Variants in NXPE3 observed in about 807,000 individuals in gnomAD.
NXPE3 encodes the protein NXPE family member 3.
Under a neutral mutation model 46.1 loss-of-function variants are expected in NXPE3, and 26 were observed. The observed-to-expected ratio is 0.56, with a 90% confidence interval of 0.41 to 0.78. The LOEUF is 0.78. Ranked by LOEUF, NXPE3 falls within the 30% of genes least tolerant of loss-of-function variation. The pLI is 0.00. For missense variants in NXPE3, 620 were observed against 686.0 expected (o/e 0.90, Z 1.07); for synonymous variants, 272 against 257.9 (o/e 1.05, Z -0.52).
intron 6 of NXPE3, among the ~76,000 whole-genome samples, chr3:101,808,459 G>A (rs574675504): frequency 3.7e-4 from 56 of 152,208 alleles, no homozygotes; most frequent in Admixed American, 6.5e-4. Context: ...GAGTGGTGGG[G>A]AAGGAACTGA....
intron 4 of NXPE3, among the ~76,000 whole-genome samples, chr3:101,800,733 A>C (rs1392830571): frequency 1.3e-5 from 2 of 150,574 alleles, no homozygotes; most frequent in African/African-American, 4.9e-5. Flanking sequence ...TGACTCCTTT[A>C]TTATTATGTA....
rs756490946 is a variant in NXPE3 at position 101,821,863 on chromosome 3, A to G, written c.1589A>G (p.His530Arg). The G allele has an allele frequency of 2.5e-6, 4 of 1,614,162 alleles. No homozygotes were observed. Among genetic ancestry groups the G allele is most frequent in the Non-Finnish European group, 3.4e-6 (4 of 1,180,024 alleles). Residue 530 changes from histidine to arginine, a missense_variant, in exon 8 of 8, where the codon CAT becomes CGT. Physicochemically the swap from His to Arg is conservative, Grantham distance 29. Coordinates refer to ENST00000273347, the MANE Select transcript of NXPE3 (RefSeq NM_145037.4). ...LVDAWEMTLA[H>R]YLPHKLHPDE... ...GATGCCTGGGAGATGACCCTGGCCC[A>G]TTATCTACCGCACAAGCTGCATCCA...
At chr3:101,804,138 A>C (rs1941299350) in intron 5 of NXPE3, among the ~76,000 whole-genome samples, 1 of 152,240 alleles carries the variant, frequency 6.6e-6, no homozygotes, top group South Asian at 2.1e-4. Context: ...ATGATTGTTA[A>C]CTATAATTGC....
Position 101,825,700 on chromosome 3 carries a change from T to C in NXPE3, c.*3746T>C, listed in dbSNP as rs1942462028. 1 of 152,244 alleles carries C rather than the reference T, an allele frequency of 6.6e-6. No homozygotes were observed. Among genetic ancestry groups the C allele is most frequent in the Non-Finnish European group, 1.5e-5 (1 of 68,038 alleles). 9.4% of individuals were successfully genotyped at this position (152,244 alleles called of 1,614,324 possible). On this transcript the variant is annotated 3_prime_UTR_variant, in exon 8 of 8. Transcript: ENST00000273347. The stretch of plus-strand genomic sequence containing the variant: ...ATAAAGATCTGCTTAATAGTTCTGC[T>C]ACTGCAGTTTTCATTATTAGATAAG...
intron 2 of NXPE3, among the ~76,000 whole-genome samples, 165 bp from the exon 3 acceptor site, chr3:101,782,495 A>C (rs1399204944): frequency 1.3e-5 from 2 of 152,124 alleles, no homozygotes; most frequent in East Asian, 3.8e-4. Context: ...CAATTACCTC[A>C]TGCCGTGAAA....
intron 6 of NXPE3, among the ~76,000 whole-genome samples, chr3:101,816,518 G>C (rs1941978804): frequency 6.6e-6 from 1 of 151,972 alleles, no homozygotes; most frequent in African/African-American, 2.4e-5. Flanking sequence ...GAGAACATGT[G>C]GTGTTTGGTT....
chr3:101,820,602 G>A (rs1049760999), intron 7 of NXPE3, among the ~76,000 whole-genome samples: 3 of 152,160 alleles, frequency 2.0e-5, no homozygotes, highest in Non-Finnish European at 2.9e-5. Flanking sequence ...CGCTGTTCAC[G>A]ACAGCAAAGA....
chr3:101,807,237 A>C lies in NXPE3; in HGVS notation c.922+111A>C. The C allele has an allele frequency of 4.2e-6, 3 of 712,336 alleles. 1 individual carries two copies. In the South Asian group the frequency reaches 5.1e-5, roughly 12 times the overall value. 44.1% of individuals were successfully genotyped at this position (712,336 alleles called of 1,614,324 possible). A position where few individuals can be genotyped will look rare whatever the true frequency, so the allele number is the denominator to read the frequency against. Reference sequence around the variant, plus strand: ...TTATATGCCATAGTTACTTCTGGGCACAATTGAAAATATTAAAAGTACTGT... The same window carrying C: ...TTATATGCCATAGTTACTTCTGGGCCCAATTGAAAATATTAAAAGTACTGT... On this transcript the variant is annotated intron_variant, in intron 6 of 7. Transcript: ENST00000273347.
chr3:101,810,851 CAG>C (rs1195940799), intron 6 of NXPE3, among the ~76,000 whole-genome samples: 2 of 151,780 alleles, frequency 1.3e-5, no homozygotes, highest in African/African-American at 4.8e-5. Flanking sequence ...GTTTTTGAGA[CAG>C]AGTCTTGCTC....
rs1940763530 is a variant in NXPE3, at chr3:101,795,329, G to A, written c.94-5906G>A. Among the ~76,000 whole-genome samples, 3 of 152,132 alleles carry A rather than the reference G, an allele frequency of 2.0e-5. No individual in the cohort carries two copies. In the South Asian group the frequency reaches 6.2e-4, roughly 31 times the overall value. ...GGTCAGGAGTTTTGAGACCAGCTTG[G>A]CCGACATGGCGAAACCCCCGTCTCT... On this transcript the variant is annotated intron_variant, in intron 4 of 7. Coordinates refer to ENST00000273347, the MANE Select transcript of NXPE3 (RefSeq NM_145037.4).
chr3:101,819,986 G>T (rs554459808), intron 7 of NXPE3, among the ~76,000 whole-genome samples: 4 of 151,072 alleles, frequency 2.6e-5, no homozygotes, highest in African/African-American at 9.7e-5. Flanking sequence ...GGCAAATATT[G>T]CATGAGGTTC....
intron 4 of NXPE3, among the ~76,000 whole-genome samples, chr3:101,792,062 T>C (rs1940552058): frequency 6.6e-6 from 1 of 152,174 alleles, no homozygotes; most frequent in Non-Finnish European, 1.5e-5. Context: ...TGGCCGCATG[T>C]GTGTCTTCTG....
intron 5 of NXPE3, among the ~76,000 whole-genome samples, chr3:101,804,154 A>G (rs908185318): frequency 6.6e-6 from 1 of 152,260 alleles, no homozygotes; most frequent in Non-Finnish European, 1.5e-5. Flanking sequence ...ATTGCCCTAT[A>G]GAGTTACGTT....
chr3:101,783,282 C>T (rs921935247), intron 3 of NXPE3, among the ~76,000 whole-genome samples: 2 of 151,814 alleles, frequency 1.3e-5, no homozygotes, highest in African/African-American at 2.4e-5. Context: ...AGGATGGTCC[C>T]GATCTCCTGA....
At chr3:101,793,343 C>T (rs1401579374) in intron 4 of NXPE3, among the ~76,000 whole-genome samples, 1 of 152,064 alleles carries the variant, frequency 6.6e-6, no homozygotes. Flanking sequence ...TGCTGGTTTT[C>T]ACGGGGAATG....
At chr3:101,818,736 TATATATATATATATATA>T (rs1373647101) in intron 7 of NXPE3, among the ~76,000 whole-genome samples, 2 of 31,726 alleles carry the variant, frequency 6.3e-5, no homozygotes, top group South Asian at 1.2e-3. Context: ...TATATATATA[TATATATATATATATATA>T]TTTTTTTTTT....
chr3:101,784,409 T>A (rs1322505440), intron 3 of NXPE3, among the ~76,000 whole-genome samples: 1 of 152,116 alleles, frequency 6.6e-6, no homozygotes, highest in African/African-American at 2.4e-5. Flanking sequence ...TGAAGCTGAT[T>A]GGCATTGTCA....
At chr3:101,808,379 T>G (rs1941524940) in intron 6 of NXPE3, among the ~76,000 whole-genome samples, 1 of 152,102 alleles carries the variant, frequency 6.6e-6, no homozygotes, top group African/African-American at 2.4e-5. Flanking sequence ...GGCAAACCCT[T>G]TTGCTGCAGG....
At chr3:101,786,529 A>G (rs1400947667) in intron 4 of NXPE3, among the ~76,000 whole-genome samples, 1 of 152,212 alleles carries the variant, frequency 6.6e-6, no homozygotes, top group Non-Finnish European at 1.5e-5. Flanking sequence ...CGCTGTGAGT[A>G]AAATTTGTTT....
Sources: gnomAD v4.1 joint callset for allele counts (sites outside exome capture counted in the v4.1 genomes callset) on GRCh38, gnomAD v4.1.1 for gene constraint, MANE v1.5 for transcripts, NCBI Gene and HGNC (gene_info 2026-07-23, HGNC 2026-07-21) for gene names.